DLGAP2: variants seen among roughly 807,000 people sequenced by gnomAD.
DLGAP2 encodes the protein DLG associated protein 2.
Under a neutral mutation model 100.3 loss-of-function variants are expected in DLGAP2, and 26 were observed. The ratio of observed to expected loss-of-function variants is 0.26; its 90% confidence interval spans 0.19 to 0.36. The LOEUF (loss-of-function observed/expected upper bound fraction) is 0.36, where lower values mean the gene tolerates loss of function less well. Among genes scored for constraint, DLGAP2 ranks in the 10% least tolerant of loss-of-function variants. The pLI, the probability that DLGAP2 is intolerant of heterozygous loss-of-function variation, is 1.00. For synonymous variants in DLGAP2, 886 were observed against 630.1 expected, an observed-to-expected ratio of 1.41 and a Z score of -6.08; for missense variants, 1,858 against 1,453.2, an observed-to-expected ratio of 1.28 and a Z score of -4.53.
chr8:738,863 C>T (rs1820401370), intron 1 of DLGAP2: 1 of 152,476 alleles, frequency 6.6e-6, no homozygotes, highest in East Asian at 2.0e-4. Flanking sequence ...CCCCGGACAG[C>T]GTAGGTTCGC....
intron 1 of DLGAP2, among the ~76,000 whole-genome samples, chr8:821,293 T>A (rs548194670): frequency 1.2e-4 from 19 of 152,322 alleles, no homozygotes; most frequent in Non-Finnish European, 2.1e-4. Flanking sequence ...TATAACATGA[T>A]CATAGTTTTT....
intron 2 of DLGAP2, among the ~76,000 whole-genome samples, chr8:1,188,732 C>T (rs1296065272): frequency 1.3e-5 from 2 of 152,170 alleles, no homozygotes; most frequent in Non-Finnish European, 2.9e-5. Flanking sequence ...ATCATGAGTA[C>T]AGAGTCTGAG....
chr8:1,246,073 A>T (rs1681822135), intron 2 of DLGAP2, among the ~76,000 whole-genome samples: 1 of 152,226 alleles, frequency 6.6e-6, no homozygotes, highest in South Asian at 2.1e-4. Context: ...CTATATTTTA[A>T]TACAGAGTAA....
intron 3 of DLGAP2, among the ~76,000 whole-genome samples, chr8:1,367,091 T>C (rs1218274711): frequency 6.6e-6 from 1 of 151,828 alleles, no homozygotes; most frequent in South Asian, 2.1e-4. Context: ...CGTAGCAACC[T>C]TTCCAACACA....
chr8:1,698,758 C>T (rs1009816607), intron 14 of DLGAP2, among the ~76,000 whole-genome samples: 1 of 151,002 alleles, frequency 6.6e-6, no homozygotes, highest in Non-Finnish European at 1.5e-5. Context: ...CTAGACAAGT[C>T]CAAGTAAGCC....
At chr8:1,074,468 AACC>A (rs2129037999) in intron 2 of DLGAP2, among the ~76,000 whole-genome samples, 1 of 152,334 alleles carries the variant, frequency 6.6e-6, no homozygotes, top group Non-Finnish European at 1.5e-5. Flanking sequence ...AGAATACAGA[AACC>A]CTTTCATGTG....
At chr8:1,420,172 G>C (rs1389778340) in intron 3 of DLGAP2, among the ~76,000 whole-genome samples, 1 of 152,146 alleles carries the variant, frequency 6.6e-6, no homozygotes, top group Non-Finnish European at 1.5e-5. Flanking sequence ...GTTCCCTGAG[G>C]ACTGCCTTAT....
chr8:1,674,841 C>G (rs1404154024), intron 10 of DLGAP2, among the ~76,000 whole-genome samples: 1 of 152,208 alleles, frequency 6.6e-6, no homozygotes, highest in Non-Finnish European at 1.5e-5. Context: ...AAATGGAATC[C>G]TTTGCACTTA....
intron 3 of DLGAP2, among the ~76,000 whole-genome samples, chr8:1,416,586 G>A (rs1487304159): frequency 6.6e-6 from 1 of 152,112 alleles, no homozygotes; most frequent in African/African-American, 2.4e-5. Context: ...CCCCTTCTTT[G>A]AAAACTTACC....
chr8:1,233,230 A>T (rs4073842), intron 2 of DLGAP2, among the ~76,000 whole-genome samples: 1 of 152,188 alleles, frequency 6.6e-6, no homozygotes, highest in African/African-American at 2.4e-5. Context: ...CCTCTTGGCT[A>T]TGATGAATGA....
intron 3 of DLGAP2, among the ~76,000 whole-genome samples, chr8:1,346,532 C>T (rs1263168578): frequency 6.6e-6 from 1 of 151,942 alleles, no homozygotes; most frequent in Non-Finnish European, 1.5e-5. Context: ...AGTTCCCATA[C>T]AGAGCTGCAT....
In DLGAP2 at chr8:1,088,796, C is replaced by G. The variant is rs187498838; in HGVS notation, c.74-170055C>G. 5.3e-3 allele frequency among the ~76,000 whole-genome samples: 482 copies of G among 90,694 alleles called. 12 individuals carry two copies. The highest frequency in any genetic ancestry group is 0.021 in the African/African-American group (438 of 21,032). 59.5% of individuals were successfully genotyped at this position (90,694 alleles called of 152,430 possible). ...CAGGCTATGCAATTCTCACTCCCCCCACCCCACTCTCTCCACCCCTCATCC... is the reference window on the plus strand; with the variant it reads ...CAGGCTATGCAATTCTCACTCCCCCGACCCCACTCTCTCCACCCCTCATCC... On this transcript the variant is annotated intron_variant, in intron 2 of 14. Coordinates refer to ENST00000637795, the MANE Select transcript of DLGAP2 (RefSeq NM_001346810.2).
At chr8:1,190,305 G>C (rs1338696742) in intron 2 of DLGAP2, among the ~76,000 whole-genome samples, 2 of 152,170 alleles carry the variant, frequency 1.3e-5, no homozygotes, top group African/African-American at 2.4e-5. Context: ...CATCTCCTCT[G>C]TTGCCTTTCA....
At chr8:1,414,312 C>T (rs954847746) in intron 3 of DLGAP2, among the ~76,000 whole-genome samples, 1 of 152,176 alleles carries the variant, frequency 6.6e-6, no homozygotes, top group East Asian at 1.9e-4. Context: ...TCACAGTTGT[C>T]AGAATGAGGC....
At position 1,004,038 on chromosome 8, in the gene DLGAP2, T is replaced by C. The variant is rs558256737; in HGVS notation, c.73+96072T>C. Among the ~76,000 whole-genome samples the C allele has an allele frequency of 2.6e-5, 4 of 152,336 alleles. No homozygotes were observed. The South Asian group carries it at 6.2e-4, about 24-fold the overall frequency. On this transcript the variant is annotated intron_variant, in intron 2 of 14. Transcript: ENST00000637795. ...TCTCTTGATGTTGCCTGGCACAAAA[T>C]AATTGCCCGATACATGTTAGGACAG... is the stretch of plus-strand genomic sequence containing the variant.
At chr8:1,664,602 C>G (rs1798497661) in intron 8 of DLGAP2, among the ~76,000 whole-genome samples, 1 of 152,198 alleles carries the variant, frequency 6.6e-6, no homozygotes, top group African/African-American at 2.4e-5. Flanking sequence ...GGAAGAAAGC[C>G]CAGGGTCTTC....
chr8:1,281,871 C>T (rs1799820508), intron 3 of DLGAP2, among the ~76,000 whole-genome samples: 1 of 152,202 alleles, frequency 6.6e-6, no homozygotes, highest in Admixed American at 6.5e-5. Flanking sequence ...TTTGATCTGC[C>T]CTGGAAGAGA....
intron 3 of DLGAP2, among the ~76,000 whole-genome samples, chr8:1,281,429 G>A (rs973901682): frequency 6.6e-6 from 1 of 152,160 alleles, no homozygotes; most frequent in African/African-American, 2.4e-5. Flanking sequence ...TCAATGCTCA[G>A]TAAATATTCC....
chr8:1,371,783 C>T (rs1277967543), intron 3 of DLGAP2, among the ~76,000 whole-genome samples: 3 of 152,126 alleles, frequency 2.0e-5, no homozygotes, highest in South Asian at 2.1e-4. Flanking sequence ...GTGCATTTCT[C>T]ATATTCCACG....
Sources: gnomAD v4.1 joint callset for allele counts (sites outside exome capture counted in the v4.1 genomes callset) on GRCh38, gnomAD v4.1.1 for gene constraint, MANE v1.5 for transcripts, NCBI Gene and HGNC (gene_info 2026-07-23, HGNC 2026-07-21) for gene names.